Variants in NCK1 observed in about 807,000 individuals in gnomAD.
NCK1 encodes the protein NCK adaptor protein 1, also known as SH2/SH3 adapter protein NCK1.
In NCK1, 19 loss-of-function variants were observed where a neutral mutation model predicts 36.6. That is an observed-to-expected ratio of 0.52 (90% CI 0.36 to 0.76). The LOEUF is 0.76. Ranked by LOEUF, NCK1 falls within the 30% of genes least tolerant of loss-of-function variation. The probability of loss-of-function intolerance (pLI) is 0.00; values close to 1 mark genes in which losing one functional copy is unlikely to be tolerated. For missense variants in NCK1, 358 were observed against 445.6 expected (o/e 0.80, Z 1.77); for synonymous variants, 165 against 156.0 (o/e 1.06, Z -0.43).
At chr3:136,882,632 C>T (rs1032313335) in intron 1 of NCK1, among the ~76,000 whole-genome samples, 1 of 151,874 alleles carries the variant, frequency 6.6e-6, no homozygotes, top group African/African-American at 2.4e-5. Context: ...GGAGCACAGG[C>T]ACCTGTATCT....
intron 1 of NCK1, among the ~76,000 whole-genome samples, chr3:136,892,075 TG>T (rs1939261173): frequency 6.6e-6 from 1 of 152,062 alleles, no homozygotes; most frequent in East Asian, 1.9e-4. Flanking sequence ...TTTGTAGAGA[TG>T]GGGATCTCAC....
chr3:136,876,246 A>T (rs1351519315), intron 1 of NCK1, among the ~76,000 whole-genome samples: 8 of 149,312 alleles, frequency 5.4e-5, no homozygotes, highest in African/African-American at 4.9e-5. Flanking sequence ...TAAAAGAACT[A>T]GAAAAGCAAG....
intron 3 of NCK1, 65 bp from the exon 4 acceptor site, chr3:136,948,194 A>G: frequency 7.8e-7 from 1 of 1,277,280 alleles, no homozygotes; most frequent in South Asian, 1.8e-5. Context: ...TTTTAGTTTA[A>G]TATAAAAATA....
chr3:136,921,601 T>C (rs1194793286), intron 1 of NCK1, among the ~76,000 whole-genome samples: 1 of 152,214 alleles, frequency 6.6e-6, no homozygotes, highest in Non-Finnish European at 1.5e-5. Flanking sequence ...ACTAGAATTA[T>C]AGATGTCGAA....
At chr3:136,889,032 G>A (rs1939152809) in intron 1 of NCK1, 1 of 146,950 alleles carries the variant, frequency 6.8e-6, no homozygotes, top group African/African-American at 2.5e-5. Context: ...ACCATGCCAG[G>A]CTAATTTTTT....
intron 2 of NCK1, among the ~76,000 whole-genome samples, chr3:136,938,497 T>C (rs1035299562): frequency 6.6e-6 from 1 of 152,196 alleles, no homozygotes; most frequent in Non-Finnish European, 1.5e-5. Flanking sequence ...TATAAACCAG[T>C]GTCCTTTGTG....
chr3:136,940,783 G>A (rs1446030046), intron 2 of NCK1, among the ~76,000 whole-genome samples: 1 of 152,108 alleles, frequency 6.6e-6, no homozygotes, highest in Admixed American at 6.5e-5. Context: ...GAGCTCAAGT[G>A]ATCCACCCGC....
intron 1 of NCK1, among the ~76,000 whole-genome samples, chr3:136,900,921 T>C (rs1939524881): frequency 6.6e-6 from 1 of 152,200 alleles, no homozygotes; most frequent in South Asian, 2.1e-4. Context: ...CTTGCCTGAT[T>C]GGTCTGGCTA....
chr3:136,873,644 T>C (rs1308018851), intron 1 of NCK1, among the ~76,000 whole-genome samples: 1 of 152,182 alleles, frequency 6.6e-6, no homozygotes, highest in Non-Finnish European at 1.5e-5. Flanking sequence ...CCATATTTCA[T>C]CTTGAATTGT....
intron 1 of NCK1, among the ~76,000 whole-genome samples, chr3:136,898,158 G>A (rs972741069): frequency 6.6e-6 from 1 of 152,138 alleles, no homozygotes; most frequent in Non-Finnish European, 1.5e-5. Context: ...CACTTTGGGA[G>A]GCCAAGGCAG....
At chr3:136,946,740 A>G (rs966748161) in intron 3 of NCK1, among the ~76,000 whole-genome samples, 5 of 152,208 alleles carry the variant, frequency 3.3e-5, no homozygotes, top group African/African-American at 1.2e-4. Flanking sequence ...AAAAATTGAT[A>G]TTAAGTTTCT....
At chr3:136,889,378 C>T (rs1180148234) in intron 1 of NCK1, 4 of 154,822 alleles carry the variant, frequency 2.6e-5, no homozygotes, top group African/African-American at 9.7e-5. Flanking sequence ...GAGTTTCTTC[C>T]TTCTGGTGGA....
chr3:136,887,600 T>C (rs1019779557), intron 1 of NCK1, among the ~76,000 whole-genome samples: 1 of 152,224 alleles, frequency 6.6e-6, no homozygotes, highest in Non-Finnish European at 1.5e-5. Context: ...TTTTAAGTTA[T>C]TTGTCACCTG....
chr3:136,916,321 A>G (rs1447184696), intron 1 of NCK1, among the ~76,000 whole-genome samples: 1 of 152,202 alleles, frequency 6.6e-6, no homozygotes, highest in East Asian at 1.9e-4. Flanking sequence ...AAATTCTCAA[A>G]TGTTATGATT....
At chr3:136,919,128 A>G (rs1940041512) in intron 1 of NCK1, among the ~76,000 whole-genome samples, 1 of 152,258 alleles carries the variant, frequency 6.6e-6, no homozygotes, top group South Asian at 2.1e-4. Context: ...ATTCTGGAAA[A>G]GGCAAAACTA....
At chr3:136,921,140 G>A (rs1940097289) in intron 1 of NCK1, among the ~76,000 whole-genome samples, 2 of 152,038 alleles carry the variant, frequency 1.3e-5, no homozygotes, top group African/African-American at 4.8e-5. Context: ...TCACATTGTT[G>A]TACAACCATC....
intron 1 of NCK1, among the ~76,000 whole-genome samples, chr3:136,863,820 G>A (rs1218796374): frequency 6.6e-6 from 1 of 151,968 alleles, no homozygotes; most frequent in Non-Finnish European, 1.5e-5. Context: ...TACTGAGGGA[G>A]TCCAGGCGGG....
At chr3:136,941,090 A>G (rs1940660171) in intron 2 of NCK1, among the ~76,000 whole-genome samples, 1 of 143,286 alleles carries the variant, frequency 7.0e-6, no homozygotes, top group Non-Finnish European at 1.5e-5. Flanking sequence ...TTCTTCTATT[A>G]CTGTCTTCTT....
intron 1 of NCK1, among the ~76,000 whole-genome samples, chr3:136,925,389 A>G (rs1316845538): frequency 6.6e-6 from 1 of 152,206 alleles, no homozygotes; most frequent in Non-Finnish European, 1.5e-5. Context: ...GAGAAACTTT[A>G]GAACTTATTG....
Sources: gnomAD v4.1 joint callset for allele counts (sites outside exome capture counted in the v4.1 genomes callset) on GRCh38, gnomAD v4.1.1 for gene constraint, MANE v1.5 for transcripts, NCBI Gene and HGNC (gene_info 2026-07-23, HGNC 2026-07-21) for gene names.